Variants in SOX5 observed in about 807,000 individuals in gnomAD.
SOX5 encodes SRY-box transcription factor 5, also known as transcription factor SOX-5.
Under a neutral mutation model 92.0 loss-of-function variants are expected in SOX5, and 9 were observed. The ratio of observed to expected loss-of-function variants is 0.10; its 90% confidence interval spans 0.06 to 0.17. The LOEUF (loss-of-function observed/expected upper bound fraction) is 0.17, where lower values mean the gene tolerates loss of function less well. SOX5 is among the 10% of genes least tolerant of loss of function. SOX5 has a pLI of 1.00. For synonymous variants in SOX5, 344 were observed against 336.3 expected (o/e 1.02, Z -0.25); for missense variants, 642 against 944.5 (o/e 0.68, Z 4.20).
chr12:23,572,449 CT>C (rs1399560707), intron 10 of SOX5, among the ~76,000 whole-genome samples: 2 of 41,814 alleles, frequency 4.8e-5, no homozygotes, highest in African/African-American at 8.5e-5. Flanking sequence ...GGTGAAAGGA[CT>C]TTTCAGAAAA....
At chr12:24,455,256 G>A (rs148417881) in intron 1 of SOX5, among the ~76,000 whole-genome samples, 117 of 152,226 alleles carry the variant, frequency 7.7e-4, no homozygotes, top group African/African-American at 2.5e-3. Context: ...CATCATTGAC[G>A]CAGGAAGAGT....
intron 4 of SOX5, among the ~76,000 whole-genome samples, chr12:24,113,995 T>C (rs915776578): frequency 6.6e-6 from 1 of 152,158 alleles, no homozygotes; most frequent in Non-Finnish European, 1.5e-5. Context: ...GTTAATGAAA[T>C]TGGCAGTCCT....
chr12:23,830,588 G>GT (rs1568139899), intron 3 of SOX5, among the ~76,000 whole-genome samples: 1 of 152,122 alleles, frequency 6.6e-6, no homozygotes, highest in African/African-American at 2.4e-5. Context: ...GCCAATTAAA[G>GT]TATCTTTAGG....
At chr12:24,334,191 G>A (rs1209047844) in intron 2 of SOX5, among the ~76,000 whole-genome samples, 1 of 151,776 alleles carries the variant, frequency 6.6e-6, no homozygotes, top group Non-Finnish European at 1.5e-5. Flanking sequence ...TATGTGATTA[G>A]TTATATTTTC....
intron 6 of SOX5, among the ~76,000 whole-genome samples, chr12:23,668,819 A>C (rs1422905852): frequency 6.6e-6 from 1 of 152,180 alleles, no homozygotes; most frequent in Non-Finnish European, 1.5e-5. Context: ...AATGCTTTTT[A>C]TGTGTCTACC....
intron 1 of SOX5, among the ~76,000 whole-genome samples, chr12:23,910,743 G>A (rs993035437): frequency 3.3e-5 from 5 of 152,022 alleles, no homozygotes; most frequent in African/African-American, 4.8e-5. Flanking sequence ...AGTCTTCTTC[G>A]TACTGTCCTG....
intron 1 of SOX5, among the ~76,000 whole-genome samples, chr12:23,903,669 A>G (rs1404298007): frequency 6.6e-6 from 1 of 152,238 alleles, no homozygotes; most frequent in East Asian, 1.9e-4. Context: ...CAAAATAAAA[A>G]TTGGCAATTC....
chr12:23,611,353 CGTGTGTGTGTGTGTGCGTGTGT>C (rs1304446692), intron 8 of SOX5, among the ~76,000 whole-genome samples: 13 of 140,270 alleles, frequency 9.3e-5, no homozygotes, highest in Non-Finnish European at 1.9e-4. Context: ...AGTATTCCAT[CGTGTGTGTGTGTGTGCGTGTGT>C]GTGTGTGTGT....
chr12:23,551,014 C>T (rs1049946129), intron 11 of SOX5, among the ~76,000 whole-genome samples: 1 of 151,958 alleles, frequency 6.6e-6, no homozygotes, highest in Non-Finnish European at 1.5e-5. Context: ...CCACCAGACA[C>T]ACATACACAA....
chr12:24,128,495 G>A (rs1010110420), intron 4 of SOX5, among the ~76,000 whole-genome samples: 7 of 152,010 alleles, frequency 4.6e-5, no homozygotes, highest in African/African-American at 1.7e-4. Flanking sequence ...ATTTAGATAG[G>A]GTAGCAAAAA....
chr12:24,168,106 C>T (rs1953641807), intron 4 of SOX5, among the ~76,000 whole-genome samples: 1 of 152,206 alleles, frequency 6.6e-6, no homozygotes, highest in Non-Finnish European at 1.5e-5. Flanking sequence ...TATCATTATA[C>T]ATTATTTAAA....
intron 2 of SOX5, among the ~76,000 whole-genome samples, chr12:24,304,855 A>G (rs1350794897): frequency 6.6e-6 from 1 of 152,072 alleles, no homozygotes; most frequent in Non-Finnish European, 1.5e-5. Context: ...TCACCTTTCA[A>G]TCAGCGTGGT....
At chr12:24,178,736 G>A (rs999204446) in intron 4 of SOX5, among the ~76,000 whole-genome samples, 2 of 152,196 alleles carry the variant, frequency 1.3e-5, no homozygotes, top group African/African-American at 2.4e-5. Flanking sequence ...CCTGCTAAGT[G>A]CCAGGCATTG....
At chr12:24,016,809 G>A (rs2136620061) in intron 4 of SOX5, among the ~76,000 whole-genome samples, 1 of 152,200 alleles carries the variant, frequency 6.6e-6, no homozygotes, top group East Asian at 1.9e-4. Flanking sequence ...AAAAGGCTGT[G>A]ACACCGTGCT....
rs567498060 is a variant in SOX5, at chr12:24,401,160, T to C, written c.-250-32521A>G. Among the ~76,000 whole-genome samples, 5 of 152,110 alleles carry C rather than the reference T, an allele frequency of 3.3e-5. No homozygotes were observed. The South Asian group carries it at 1.0e-3, about 32-fold the overall frequency. ...TGAGGTCAGGAGTTCAAGACCAACC[T>C]GGCCAACAAGGTGAAACCCTATCTC... On this transcript the variant is annotated intron_variant, in intron 1 of 4. Coordinates refer to the SOX5 transcript ENST00000446891.
At position 24,095,438 on chromosome 12, in the gene SOX5, T is replaced by C. The variant is rs944417937; in HGVS notation, c.-2+117905A>G. On this transcript the variant is annotated intron_variant, in intron 4 of 4. Coordinates refer to the SOX5 transcript ENST00000446891. ...CCTCTCCCTTATTTATTTATTTATT[T>C]ATTTATTTATTTATTTATTTATTTA... Among the ~76,000 whole-genome samples, 5 of 150,274 alleles carry C rather than the reference T, an allele frequency of 3.3e-5. No homozygotes were observed. In the South Asian group the frequency reaches 6.3e-4, roughly 19 times the overall value.
intron 4 of SOX5, among the ~76,000 whole-genome samples, chr12:24,068,238 G>C (rs138062365): frequency 6.6e-6 from 1 of 152,132 alleles, no homozygotes. Context: ...GATTTTAGTC[G>C]TCAATGTGTC....
At chr12:23,560,230 G>GA (rs1359573381) in intron 11 of SOX5, among the ~76,000 whole-genome samples, 3 of 151,954 alleles carry the variant, frequency 2.0e-5, no homozygotes, top group African/African-American at 7.3e-5. Flanking sequence ...ACTTTAGACA[G>GA]AAAAAAATGC....
intron 10 of SOX5, among the ~76,000 whole-genome samples, chr12:23,569,353 A>G (rs1452928651): frequency 6.6e-6 from 1 of 152,250 alleles, no homozygotes; most frequent in Admixed American, 6.5e-5. Context: ...AATTCCATGT[A>G]TAAGTGTAAG....
Sources: gnomAD v4.1 joint callset for allele counts (sites outside exome capture counted in the v4.1 genomes callset) on GRCh38, gnomAD v4.1.1 for gene constraint, MANE v1.5 for transcripts, NCBI Gene and HGNC (gene_info 2026-07-23, HGNC 2026-07-21) for gene names.